The following KCNA2 variants were observed in gnomAD, a reference collection of about 807,000 sequenced individuals.
KCNA2 encodes potassium channel, voltage gated shaker related subfamily A, member 2.
A neutral mutation model predicts 33.4 loss-of-function variants in KCNA2; 11 were observed. The observed-to-expected ratio is 0.33, with a 90% confidence interval of 0.21 to 0.55. KCNA2 has a LOEUF of 0.55. Among genes scored for constraint, KCNA2 ranks in the 20% least tolerant of loss-of-function variants. The pLI is 0.93. For synonymous variants in KCNA2, 222 were observed against 231.3 expected (o/e 0.96, Z 0.37); for missense variants, 291 against 621.6 (o/e 0.47, Z 5.66).
At position 110,600,803 on chromosome 1, in the gene KCNA2, T is replaced by C; in HGVS notation, c.*2480A>G. On this transcript the variant is annotated 3_prime_UTR_variant, in exon 3 of 3. Transcript: ENST00000316361. ...AAGCACAGAGGCTTTGTGCTGGGCA[T>C]GGGATGCCCTGCAGATACCTGGGGA... is the stretch of plus-strand genomic sequence containing the variant. 1.0e-6 allele frequency: 1 copy of C among 985,396 alleles called. No individual in the cohort carries two copies. The highest frequency in any genetic ancestry group is 1.2e-6 in the Non-Finnish European group (1 of 829,930). 61.0% of individuals were successfully genotyped at this position (985,396 alleles called of 1,614,324 possible).
Position 110,602,643 on chromosome 1 carries a change from G to A in KCNA2, c.*640C>T. On this transcript the variant is annotated 3_prime_UTR_variant, in exon 3 of 3. Transcript: ENST00000316361. ...CAACTCATATTCGGTCATACTAACT[G>A]TCCCTCCCCCGGGCTTCCCTCACAT... 5 of 994,238 alleles carry A rather than the reference G, an allele frequency of 5.0e-6. No homozygotes were observed. Among genetic ancestry groups the A allele is most frequent in the Non-Finnish European group, 6.0e-6 (5 of 835,770 alleles). The allele number at this position is 994,238 out of a possible 1,614,324, so 61.6% of individuals were successfully genotyped here. A position where few individuals can be genotyped will look rare whatever the true frequency, so the allele number is the denominator to read the frequency against.
rs909699913 is a variant in KCNA2, at chr1:110,603,088, T to G, written c.*195A>C. The G allele has an allele frequency of 2.8e-6, 4 of 1,414,800 alleles. No individual in the cohort carries two copies. In the Admixed American group the frequency reaches 9.6e-5, roughly 34 times the overall value. 87.6% of individuals were successfully genotyped at this position (1,414,800 alleles called of 1,614,324 possible). A position where few individuals can be genotyped will look rare whatever the true frequency, so the allele number is the denominator to read the frequency against. On this transcript the variant is annotated 3_prime_UTR_variant, in exon 3 of 3. Transcript: ENST00000316361. The surrounding 1 kb of genome is among the most constrained non-coding windows in gnomAD (Gnocchi z 5.7). ...TCTTTGGAAGTTCATAAGCCGGTGA[T>G]GAGGATGTGCATGAAAGCCATGATA...
chr1:110,612,042 A>G (rs1219966384), intron 1 of KCNA2, among the ~76,000 whole-genome samples: 1 of 152,026 alleles, frequency 6.6e-6, no homozygotes, highest in Non-Finnish European at 1.5e-5. Context: ...AAATAAATAA[A>G]ATAAAAGAAC....
Position 110,603,202 on chromosome 1 carries a change from G to T in KCNA2, c.*81C>A. 6.5e-7 allele frequency: 1 copy of T among 1,529,324 alleles called. No homozygotes were observed. 94.7% of individuals were successfully genotyped at this position (1,529,324 alleles called of 1,614,324 possible). A position where few individuals can be genotyped will look rare whatever the true frequency, so the allele number is the denominator to read the frequency against. On this transcript the variant is annotated 3_prime_UTR_variant, in exon 3 of 3. Coordinates refer to ENST00000316361, the MANE Select transcript of KCNA2 (RefSeq NM_004974.4). The surrounding 1 kb of genome is among the most constrained non-coding windows in gnomAD (Gnocchi z 5.7). ...CATGCAGAACCAGATACACACTGTAGAACACACTGACTACAATGCAGGCTA... is the reference window on the plus strand; with the variant it reads ...CATGCAGAACCAGATACACACTGTATAACACACTGACTACAATGCAGGCTA...
upstream of KCNA2, among the ~76,000 whole-genome samples, chr1:110,611,038 AAG>A (rs1197995921): frequency 2.1e-3 from 297 of 143,930 alleles, no homozygotes; most frequent in African/African-American, 7.1e-3. Context: ...GGAAGGAAGG[AAG>A]GAAGGAAGGA....
rs1649113999 is a variant in KCNA2 at position 110,596,748 on chromosome 1, CA to C, written c.*6534del. 2.0e-6 allele frequency: 2 copies of C among 985,340 alleles called. No homozygotes were observed. The highest frequency in any genetic ancestry group is 1.2e-4 in the Admixed American group (2 of 16,270). 61.0% of individuals were successfully genotyped at this position (985,340 alleles called of 1,614,324 possible). ...CCAGACATGCTTTCCCATTCCCACTCAAATAACCAAAATTGCAAAGCAATCA... is the reference window on the plus strand; with the variant it reads ...CCAGACATGCTTTCCCATTCCCACTCAATAACCAAAATTGCAAAGCAATCA... On this transcript the variant is annotated 3_prime_UTR_variant, in exon 3 of 3. Transcript: ENST00000316361.
In KCNA2 at chr1:110,595,678, G is replaced by T. The variant is rs1023428121; in HGVS notation, c.*7605C>A. The T allele has an allele frequency of 3.0e-6, 3 of 985,416 alleles. No individual in the cohort carries two copies. Among genetic ancestry groups the T allele is most frequent in the Admixed American group, 6.1e-5 (1 of 16,284 alleles). The allele number at this position is 985,416 out of a possible 1,614,324, so 61.0% of individuals were successfully genotyped here. On this transcript the variant is annotated 3_prime_UTR_variant, in exon 3 of 3. Transcript: ENST00000316361. ...AGCTGTTTCTTGAGTGATGTGTACA[G>T]CTTACCCCCAAAGAGGCAACTGAAT...
Position 110,600,834 on chromosome 1 carries a change from G to A in KCNA2, c.*2449C>T. On this transcript the variant is annotated 3_prime_UTR_variant, in exon 3 of 3. Coordinates refer to ENST00000316361, the MANE Select transcript of KCNA2 (RefSeq NM_004974.4). ...GCCCTGCAGATACCTGGGGATGTGG[G>A]TGACCAGGCACTAATGAGCACCCTG... The A allele has an allele frequency of 1.0e-6, 1 of 985,436 alleles. No individual in the cohort carries two copies. Among genetic ancestry groups the A allele is most frequent in the Non-Finnish European group, 1.2e-6 (1 of 829,942 alleles). 61.0% of individuals were successfully genotyped at this position (985,436 alleles called of 1,614,324 possible).
chr1:110,620,839 AT>A (rs1373897339), intron 1 of KCNA2, among the ~76,000 whole-genome samples: 2 of 152,156 alleles, frequency 1.3e-5, no homozygotes, highest in African/African-American at 4.8e-5. Flanking sequence ...AACTGCTCTT[AT>A]TATGTAATGA....
upstream of KCNA2, among the ~76,000 whole-genome samples, chr1:110,610,160 G>A (rs1261707673): frequency 1.5e-4 from 23 of 152,228 alleles, no homozygotes; most frequent in Admixed American, 1.2e-3. Context: ...TTGAGAGCCA[G>A]GCCCTGCCTT....
chr1:110,621,113 C>A lies in KCNA2; in HGVS notation c.-496+10282G>T, dbSNP rs78760903. Among the ~76,000 whole-genome samples, 3 of 152,314 alleles carry A rather than the reference C, an allele frequency of 2.0e-5. 1 individual carries two copies. Among genetic ancestry groups the A allele is most frequent in the East Asian group, 1.9e-4 (1 of 5,182 alleles). ...CTTGGACAACCAATCTCTGGGGATT[C>A]CTGGGTGCGGATACTGGCTTTGGTG... On this transcript the variant is annotated intron_variant, in intron 1 of 4. Coordinates refer to the KCNA2 transcript ENST00000369770.
At chr1:110,611,904 C>T (rs890529199) in intron 1 of KCNA2, among the ~76,000 whole-genome samples, 1 of 151,850 alleles carries the variant, frequency 6.6e-6, no homozygotes, top group African/African-American at 2.4e-5. Context: ...TGCCTGTAGA[C>T]CCAGCTACTC....
intron 1 of KCNA2, among the ~76,000 whole-genome samples, chr1:110,623,485 C>T (rs1005428655): frequency 2.6e-5 from 4 of 152,202 alleles, no homozygotes; most frequent in South Asian, 4.1e-4. Context: ...GAATTAAAAA[C>T]GTTTGCATTT....
At chr1:110,620,853 A>T (rs1205433310) in intron 1 of KCNA2, among the ~76,000 whole-genome samples, 2 of 152,158 alleles carry the variant, frequency 1.3e-5, no homozygotes, top group Non-Finnish European at 2.9e-5. Context: ...TGTAATGATG[A>T]GTGAGTGCGT....
intron 2 of KCNA2, among the ~76,000 whole-genome samples, 175 bp from the exon 3 acceptor site, chr1:110,605,120 G>A (rs1649539406): frequency 6.6e-6 from 1 of 152,210 alleles, no homozygotes; most frequent in African/African-American, 2.4e-5. Context: ...ATCAGGGGGA[G>A]CAGGTAGCAA....
chr1:110,604,913 C>T lies in KCNA2; in HGVS notation c.-131G>A. On this transcript the variant is annotated 5_prime_UTR_variant, in exon 3 of 3. Transcript: ENST00000316361. The surrounding 1 kb of genome is among the most constrained non-coding windows in gnomAD (Gnocchi z 7.6). ...GTCTCCTGCAGGAGAGCCCCGAGAG[C>T]TCTCTGAGAGCTGGAGAGACAGCCT... 4.8e-6 allele frequency: 4 copies of T among 828,402 alleles called. No homozygotes were observed. The South Asian group carries it at 6.8e-5, about 14-fold the overall frequency. The allele number at this position is 828,402 out of a possible 1,614,324, so 51.3% of individuals were successfully genotyped here. A position where few individuals can be genotyped will look rare whatever the true frequency, so the allele number is the denominator to read the frequency against.
intron 1 of KCNA2, among the ~76,000 whole-genome samples, chr1:110,616,805 G>A (rs1167514179): frequency 6.6e-6 from 1 of 152,224 alleles, no homozygotes; most frequent in Non-Finnish European, 1.5e-5. Context: ...AGCACTGTGG[G>A]GGACACACAG....
rs76529902 is a variant in KCNA2 at position 110,620,761 on chromosome 1, C to G, written c.-496+10634G>C. 2.5e-4 allele frequency among the ~76,000 whole-genome samples: 38 copies of G among 152,258 alleles called. 2 individuals are homozygous for G. The East Asian group carries it at 7.3e-3, about 29-fold the overall frequency. On this transcript the variant is annotated intron_variant, in intron 1 of 4. Transcript: ENST00000369770. ...GTTTTGTTCATTATCACTGAAAGTT[C>G]CTTTTAAAATATCCTTCCCACACAC...
rs770186277 is a variant in KCNA2 at position 110,601,978 on chromosome 1, C to T, written c.*1305G>A. 2.5e-5 allele frequency: 38 copies of T among 1,526,028 alleles called. No individual in the cohort carries two copies. The highest frequency in any genetic ancestry group is 4.1e-5 in the Admixed American group (2 of 49,376). 94.5% of individuals were successfully genotyped at this position (1,526,028 alleles called of 1,614,324 possible). A position where few individuals can be genotyped will look rare whatever the true frequency, so the allele number is the denominator to read the frequency against. ...TTCTATCACTAGCTAGGTAGAGGAA[C>T]GCGTGAAAGAGAGATACTCGATATA... is the stretch of plus-strand genomic sequence containing the variant. On this transcript the variant is annotated 3_prime_UTR_variant, in exon 3 of 3. Transcript: ENST00000316361.
Sources: gnomAD v4.1 joint callset for allele counts (sites outside exome capture counted in the v4.1 genomes callset) on GRCh38, gnomAD v4.1.1 for gene constraint, Gnocchi (gnomAD v3.1) non-coding constraint, MANE v1.5 for transcripts, NCBI Gene and HGNC (gene_info 2026-07-23, HGNC 2026-07-21) for gene names.